The following ABCB5 variants were observed in gnomAD, a reference collection of about 807,000 sequenced individuals.
The protein encoded by ABCB5 is ATP-binding cassette sub-family B member 5.
In ABCB5, 155 loss-of-function variants were observed where a neutral mutation model predicts 144.2. The observed-to-expected ratio is 1.08, with a 90% CI of 0.94 to 1.23. ABCB5 has a LOEUF of 1.23. ABCB5 is among the 50% of genes most tolerant of loss of function. ABCB5 has a pLI of 0.00. For synonymous variants in ABCB5, 610 were observed against 528.6 expected (o/e 1.15, Z -2.11); for missense variants, 1,830 against 1,520.8 (o/e 1.20, Z -3.38).
At chr7:20,725,742 T>A (rs532660531) in intron 21 of ABCB5, among the ~76,000 whole-genome samples, 6 of 152,294 alleles carry the variant, frequency 3.9e-5, no homozygotes, top group African/African-American at 1.4e-4. Flanking sequence ...TTCCTCAAAA[T>A]TTTTTTATAT....
chr7:20,660,191 GAAA>G (rs1784958120), intron 14 of ABCB5: 1 of 983,174 alleles, frequency 1.0e-6, no homozygotes, highest in African/African-American at 1.8e-5. Flanking sequence ...TATCAAAAGT[GAAA>G]AAAGAAGAAT....
At chr7:20,684,208 T>C (rs1224982515) in intron 15 of ABCB5, among the ~76,000 whole-genome samples, 1 of 152,222 alleles carries the variant, frequency 6.6e-6, no homozygotes, top group Non-Finnish European at 1.5e-5. Flanking sequence ...TATAATTATT[T>C]ATTTAGACTG....
At chr7:20,630,813 G>C (rs1239903704) in intron 4 of ABCB5, among the ~76,000 whole-genome samples, 1 of 151,536 alleles carries the variant, frequency 6.6e-6, no homozygotes, top group East Asian at 1.9e-4. Flanking sequence ...GGATAGGCTA[G>C]GCACTACATA....
chr7:20,723,070 T>C lies in ABCB5; in HGVS notation c.2476T>C (p.Ser826Pro), dbSNP rs780785548. 5 of 1,614,048 alleles carry C rather than the reference T, an allele frequency of 3.1e-6. No homozygotes were observed. The highest frequency in any genetic ancestry group is 1.7e-5 in the Admixed American group (1 of 59,994). The change falls in exon 21 of 28, where the codon TCA (serine) becomes CCA (proline). Residue 826 changes from serine (S) to proline (P), a missense_variant. Ser to Pro is a moderately conservative substitution (Grantham distance 74). Transcript: ENST00000404938. ...ACAAAATGCAACTAACATGGGACTTTCAGTTATCATTTCCTTTATATATGG... is the reference window on the plus strand; with the variant it reads ...ACAAAATGCAACTAACATGGGACTTCCAGTTATCATTTCCTTTATATATGG... Reference protein sequence around the residue: ...LTQNATNMGLSVIISFIYGWE... With the variant: ...LTQNATNMGLPVIISFIYGWE...
intron 14 of ABCB5, among the ~76,000 whole-genome samples, chr7:20,673,684 GTAGT>G (rs1010363288): frequency 1.7e-4 from 26 of 151,862 alleles, no homozygotes; most frequent in African/African-American, 6.0e-4. Flanking sequence ...CAGATGACAC[GTAGT>G]TGGGTCTTGC....
intron 23 of ABCB5, among the ~76,000 whole-genome samples, chr7:20,730,728 A>C (rs1007453213): frequency 6.6e-6 from 1 of 152,146 alleles, no homozygotes; most frequent in Non-Finnish European, 1.5e-5. Flanking sequence ...AGCCCCCGTG[A>C]GCCAGTTTTT....
chr7:20,682,451 G>A (rs754091559), intron 15 of ABCB5, among the ~76,000 whole-genome samples: 1 of 152,182 alleles, frequency 6.6e-6, no homozygotes, highest in Admixed American at 6.5e-5. Flanking sequence ...GTTAAAAGGT[G>A]GGAGTTGGGG....
chr7:20,745,704 G>A (rs1001490664), intron 26 of ABCB5, among the ~76,000 whole-genome samples: 2 of 152,204 alleles, frequency 1.3e-5, no homozygotes, highest in African/African-American at 4.8e-5. Context: ...TCTACACTGT[G>A]GCTGGTCCAC....
intron 20 of ABCB5, among the ~76,000 whole-genome samples, chr7:20,721,762 T>C (rs1243510287): frequency 6.6e-6 from 1 of 152,232 alleles, no homozygotes; most frequent in Non-Finnish European, 1.5e-5. Flanking sequence ...ATAATGCAAA[T>C]TTTTTCCATT....
intron 20 of ABCB5, among the ~76,000 whole-genome samples, chr7:20,721,964 A>G (rs1781881991): frequency 6.6e-6 from 1 of 152,228 alleles, no homozygotes; most frequent in African/African-American, 2.4e-5. Context: ...TTTTAAGTAC[A>G]TGTCAATTAT....
intron 13 of ABCB5, among the ~76,000 whole-genome samples, chr7:20,657,794 T>A (rs1159153873): frequency 6.6e-6 from 1 of 152,186 alleles, no homozygotes; most frequent in Non-Finnish European, 1.5e-5. Context: ...CCTGATTTTT[T>A]AAATGTGAAG....
Position 20,743,204 on chromosome 7 carries a change from C to G in ABCB5, c.3222+130C>G, listed in dbSNP as rs1782617230. 2 of 930,018 alleles carry G rather than the reference C, an allele frequency of 2.2e-6. 1 individual carries two copies. The highest frequency in any genetic ancestry group is 3.4e-5 in the South Asian group (2 of 59,590). 57.6% of individuals were successfully genotyped at this position (930,018 alleles called of 1,614,324 possible). A position where few individuals can be genotyped will look rare whatever the true frequency, so the allele number is the denominator to read the frequency against. On this transcript the variant is annotated intron_variant, in intron 25 of 27. Coordinates refer to ENST00000404938, the MANE Select transcript of ABCB5 (RefSeq NM_001163941.2). ...CAGAAGTTAAAAAGAAAAAAAATCTCTGTGTCAACCCTTAACTAAGAGGAC... is the reference window on the plus strand; with the variant it reads ...CAGAAGTTAAAAAGAAAAAAAATCTGTGTGTCAACCCTTAACTAAGAGGAC...
At chr7:20,693,879 C>T (rs1427669591) in intron 16 of ABCB5, among the ~76,000 whole-genome samples, 3 of 151,520 alleles carry the variant, frequency 2.0e-5, no homozygotes, top group Admixed American at 6.6e-5. Flanking sequence ...AACATTTATG[C>T]AAACAAATCC....
At position 20,685,802 on chromosome 7, in the gene ABCB5, T is replaced by C. The variant is rs1174196236; in HGVS notation, c.1976T>C (p.Ile659Thr). The C allele has an allele frequency of 1.2e-6, 2 of 1,613,132 alleles. No individual in the cohort carries two copies. ...GTGAAGAGCATCAAGTCAGACTTCA[T>C]TGACAAGGCTGAGGAATCCACCCAA... ...HSVKSIKSDF[I>T]DKAEESTQSK... Residue 659 changes from isoleucine to threonine, a missense_variant, in exon 16 of 28, where the codon ATT (isoleucine) becomes ACT (threonine). Transcript: ENST00000404938.
chr7:20,641,348 G>T (rs992555432), intron 5 of ABCB5, among the ~76,000 whole-genome samples: 1 of 87,564 alleles, frequency 1.1e-5, no homozygotes, highest in African/African-American at 6.4e-5. Flanking sequence ...TTTTATTATT[G>T]CAAAACACAC....
intron 20 of ABCB5, among the ~76,000 whole-genome samples, chr7:20,705,621 AAATGTC>A (rs1014392175): frequency 1.3e-5 from 2 of 152,180 alleles, no homozygotes; most frequent in African/African-American, 4.8e-5. Context: ...GAGAAAAGGA[AAATGTC>A]AATAATTCAC....
rs148673510 is a variant in ABCB5 at position 20,645,590 on chromosome 7, G to A, written c.679-166G>A. Among the ~76,000 whole-genome samples the A allele has an allele frequency of 1.9e-3, 291 of 152,306 alleles. 3 individuals carry two copies. Among genetic ancestry groups the A allele is most frequent in the African/African-American group, 6.8e-3 (282 of 41,570 alleles). On this transcript the variant is annotated intron_variant, in intron 7 of 27. Transcript: ENST00000404938. Reference sequence around the variant, plus strand: ...TAGTGATATTTTCCCTTTTCTCTCTGAAATCTTACCTCTTAGTATTTGAAG... The same window carrying A: ...TAGTGATATTTTCCCTTTTCTCTCTAAAATCTTACCTCTTAGTATTTGAAG...
rs1784465417 is a variant in ABCB5 at position 20,648,049 on chromosome 7, T to C, written c.1177T>C (p.Phe393Leu). The C allele has an allele frequency of 6.2e-7, 1 of 1,608,868 alleles. No individual in the cohort carries two copies. Residue 393 changes from phenylalanine to leucine, a missense_variant, in exon 11 of 28, where the codon TTC becomes CTC. Coordinates refer to ENST00000404938, the MANE Select transcript of ABCB5 (RefSeq NM_001163941.2). ...AACTGTGGAATTTAAAAATGTTTCT[T>C]TCAATTATCCATCAAGACCATCTAT... Reference protein sequence around the residue: ...EGTVEFKNVSFNYPSRPSIKI... With the variant: ...EGTVEFKNVSLNYPSRPSIKI...
intron 26 of ABCB5, among the ~76,000 whole-genome samples, chr7:20,752,604 T>C (rs1782965653): frequency 6.6e-6 from 1 of 152,086 alleles, no homozygotes; most frequent in South Asian, 2.1e-4. Context: ...ATCCCAACAC[T>C]TTGGGAGGCT....
Sources: allele counts gnomAD v4.1 joint callset (sites outside exome capture counted in the v4.1 genomes callset), GRCh38; gene constraint gnomAD v4.1.1; transcripts MANE v1.5; gene names NCBI Gene and HGNC (gene_info 2026-07-23, HGNC 2026-07-21).